The following KIF11 variants were observed in gnomAD, a reference collection of about 807,000 sequenced individuals.
KIF11 encodes the protein kinesin family member 11, also known as kinesin-like protein KIF11.
A neutral mutation model predicts 121.0 loss-of-function variants in KIF11; 9 were observed. The ratio of observed to expected loss-of-function variants is 0.07; its 90% CI spans 0.04 to 0.13. The LOEUF is 0.13. Ranked by LOEUF, KIF11 falls within the 10% of genes least tolerant of loss-of-function variation. KIF11 has a pLI of 1.00. For missense variants in KIF11, 846 were observed against 1,217.5 expected, an observed-to-expected ratio of 0.69 and a Z score of 4.54; for synonymous variants, 408 against 421.0, an observed-to-expected ratio of 0.97 and a Z score of 0.38.
intron 14 of KIF11, among the ~76,000 whole-genome samples, chr10:92,636,031 T>C (rs573881309): frequency 1.7e-4 from 26 of 152,292 alleles, no homozygotes; most frequent in African/African-American, 6.0e-4. Context: ...ATATTTCCAA[T>C]CTATACTACA....
intron 1 of KIF11, among the ~76,000 whole-genome samples, chr10:92,599,064 C>T (rs1844334384): frequency 6.6e-6 from 1 of 151,692 alleles, no homozygotes; most frequent in South Asian, 2.1e-4. Context: ...AGGCGTGAGC[C>T]ACTGCGCCTG....
intron 16 of KIF11, among the ~76,000 whole-genome samples, chr10:92,638,836 T>C (rs1225754453): frequency 6.6e-6 from 1 of 152,252 alleles, no homozygotes; most frequent in Non-Finnish European, 1.5e-5. Context: ...ATGTTAGATA[T>C]GTATTGTCAA....
chr10:92,593,327 A>G lies in KIF11; in HGVS notation c.-49A>G, dbSNP rs758052909. ...CGGCCGCCAAGCCCCTCCGCCCCTC[A>G]CAGCGCCCAGGTCCGCGGCCGGGCC... On this transcript the variant is annotated 5_prime_UTR_variant, in exon 1 of 22. Transcript: ENST00000260731. 1.3e-6 allele frequency: 2 copies of G among 1,563,700 alleles called. No individual in the cohort carries two copies. The highest frequency in any genetic ancestry group is 2.3e-5 in the East Asian group (1 of 43,166).
At position 92,632,530 on chromosome 10, in the gene KIF11, C is replaced by T. The variant is rs2275217; in HGVS notation, c.1539C>T (p.Leu513=). The T allele has an allele frequency of 1.5e-4, 249 of 1,613,736 alleles. 1 individual carries two copies. In the East Asian group the frequency reaches 5.4e-3, roughly 35 times the overall value. ...AAACTACAAAAGATGTATCTGGTCT[C>T]CATTCCAAACTGGATCGTAAGAAGG... ...VEETTKDVSG[L]HSKLDRKKAV... The change falls in exon 13 of 22, where the codon CTC becomes CTT. Residue 513 remains leucine (L), a synonymous_variant. Transcript: ENST00000260731.
rs1324145832 is a variant in KIF11 at position 92,655,124 on chromosome 10, AG to A, written c.*1330del. On this transcript the variant is annotated 3_prime_UTR_variant, in exon 22 of 22. Coordinates refer to ENST00000260731, the MANE Select transcript of KIF11 (RefSeq NM_004523.4). ...TTTCAGCTTGAAGAACCAAAACAGA[AG>A]GAATATGTACAAAGAATAAATTTTC... 1 of 152,662 alleles carries A rather than the reference AG, an allele frequency of 6.6e-6. No individual in the cohort carries two copies. The highest frequency in any genetic ancestry group is 6.5e-5 in the Admixed American group (1 of 15,284). 9.5% of individuals were successfully genotyped at this position (152,662 alleles called of 1,614,324 possible). A position where few individuals can be genotyped will look rare whatever the true frequency, so the allele number is the denominator to read the frequency against.
At chr10:92,616,669 A>G (rs1179627048) in intron 8 of KIF11, 68 bp from the exon 9 acceptor site, 53 of 781,530 alleles carry the variant, frequency 6.8e-5, no homozygotes, top group Non-Finnish European at 1.1e-4. Flanking sequence ...TATATAACAT[A>G]TTTTAGATAA....
chr10:92,626,612 G>A (rs1426157857), intron 10 of KIF11, among the ~76,000 whole-genome samples: 1 of 152,122 alleles, frequency 6.6e-6, no homozygotes, highest in Non-Finnish European at 1.5e-5. Flanking sequence ...CTTTATTTAA[G>A]CCAAGCTTAA....
At chr10:92,623,491 C>T (rs989787112) in intron 10 of KIF11, among the ~76,000 whole-genome samples, 3 of 152,088 alleles carry the variant, frequency 2.0e-5, no homozygotes, top group African/African-American at 7.2e-5. Context: ...GATATTAGAC[C>T]TAATAATAAC....
intron 21 of KIF11, among the ~76,000 whole-genome samples, chr10:92,653,461 C>G (rs1336341233): frequency 6.6e-6 from 1 of 152,212 alleles, no homozygotes; most frequent in East Asian, 1.9e-4. Context: ...TTCTTTCACT[C>G]TACTCCTTCC....
At chr10:92,653,034 A>G (rs1200742468) in intron 21 of KIF11, among the ~76,000 whole-genome samples, 1 of 152,242 alleles carries the variant, frequency 6.6e-6, no homozygotes, top group Non-Finnish European at 1.5e-5. Context: ...GAGGAATATG[A>G]AATAGGTTTT....
chr10:92,636,249 AT>A (rs1844794116), intron 14 of KIF11, among the ~76,000 whole-genome samples: 1 of 152,142 alleles, frequency 6.6e-6, no homozygotes, highest in Non-Finnish European at 1.5e-5. Flanking sequence ...GTTTTTAAAA[AT>A]TTATTTTGTT....
rs115132228 is a variant in KIF11 at position 92,612,326 on chromosome 10, G to A, written c.699-714G>A. On this transcript the variant is annotated intron_variant, in intron 6 of 21. Transcript: ENST00000260731. Reference sequence around the variant, plus strand: ...AATTTTTAAATTTTTTTGTAGAGATGATGGTCCCACTATGTTGCCCAGGCT... The same window carrying A: ...AATTTTTAAATTTTTTTGTAGAGATAATGGTCCCACTATGTTGCCCAGGCT... Among the ~76,000 whole-genome samples, 987 of 152,096 alleles carry A rather than the reference G, an allele frequency of 6.5e-3. 8 individuals carry two copies. The highest frequency in any genetic ancestry group is 0.023 in the African/African-American group (942 of 41,508).
At chr10:92,630,472 C>T in intron 12 of KIF11, 108 bp downstream of exon 12, 1 of 555,780 alleles carries the variant, frequency 1.8e-6, no homozygotes, top group Admixed American at 3.8e-5. Context: ...AATGGTATTT[C>T]TGTCCATTTA....
intron 16 of KIF11, among the ~76,000 whole-genome samples, chr10:92,639,576 G>GAGTGAGACCCTGTCTCTAAAAA (rs1250789636): frequency 6.6e-6 from 1 of 151,922 alleles, no homozygotes; most frequent in Non-Finnish European, 1.5e-5. Flanking sequence ...TTGGACAACA[G>GAGTGAGACCCTGTCTCTAAAAA]AGTGAGACCC....
At chr10:92,609,332 G>GTT in intron 5 of KIF11, 53 bp from the exon 6 acceptor site, 1 of 1,543,530 alleles carries the variant, frequency 6.5e-7, no homozygotes, top group East Asian at 2.3e-5. Context: ...GTGTGTGTGT[G>GTT]TGTGTGTGTG....
chr10:92,637,996 TTTAA>T (rs1844825241), intron 16 of KIF11, among the ~76,000 whole-genome samples: 1 of 152,194 alleles, frequency 6.6e-6, no homozygotes, highest in Non-Finnish European at 1.5e-5. Context: ...CGATACAACT[TTTAA>T]TTCTTATTGA....
Position 92,633,700 on chromosome 10 carries a change from G to C in KIF11, c.1780G>C (p.Glu594Gln), listed in dbSNP as rs778026996. 36 of 1,598,742 alleles carry C rather than the reference G, an allele frequency of 2.3e-5. No individual in the cohort carries two copies. The highest frequency in any genetic ancestry group is 3.1e-5 in the Non-Finnish European group (36 of 1,166,658). The part of the protein sequence containing the change: ...VALGSLTSIP[E>Q]NVSTHVSQIF... Reference sequence around the variant, plus strand: ...ACTTGGATCTCTCACATCTATTCCAGAAAATGTGTCTACTCATGTTTCTCA... The same window carrying C: ...ACTTGGATCTCTCACATCTATTCCACAAAATGTGTCTACTCATGTTTCTCA... The change falls in exon 14 of 22, where the codon GAA (glutamate) becomes CAA (glutamine). Residue 594 changes from glutamate (E) to glutamine (Q), a missense_variant. Physicochemically the swap from Glu to Gln is conservative, Grantham distance 29. Around this residue, in one of 5 missense-constraint regions of KIF11, gnomAD observed 492 missense variants for 603.4 expected, o/e 0.82. Coordinates refer to ENST00000260731, the MANE Select transcript of KIF11 (RefSeq NM_004523.4).
chr10:92,619,007 CTTATTTAT>C (rs200204648), intron 9 of KIF11, among the ~76,000 whole-genome samples: 4 of 151,130 alleles, frequency 2.6e-5, no homozygotes, highest in East Asian at 1.9e-4. Flanking sequence ...TTGAGATTGC[CTTATTTAT>C]TTATTTATTT....
intron 1 of KIF11, among the ~76,000 whole-genome samples, chr10:92,599,515 ACT>A (rs994261026): frequency 2.2e-5 from 3 of 136,918 alleles, no homozygotes; most frequent in African/African-American, 8.6e-5. Flanking sequence ...ACAGAGTGAG[ACT>A]CTGTCTCAAA....
Sources: gnomAD v4.1 joint callset for allele counts (sites outside exome capture counted in the v4.1 genomes callset) on GRCh38, gnomAD v4.1.1 for gene constraint, gnomAD v4.1.1 regional missense constraint, MANE v1.5 for transcripts, NCBI Gene and HGNC (gene_info 2026-07-23, HGNC 2026-07-21) for gene names.